The following ZNF311 variants were observed in gnomAD, a reference collection of about 807,000 sequenced individuals.
ZNF311 encodes zinc finger protein 311.
Under a neutral mutation model 22.7 loss-of-function variants are expected in ZNF311, and 14 were observed. The ratio of observed to expected loss-of-function variants is 0.62; its 90% CI spans 0.41 to 0.96. The LOEUF is 0.96. Ranked by LOEUF, ZNF311 falls within the 40% of genes least tolerant of loss-of-function variation. The pLI is 0.00. For synonymous variants in ZNF311, 250 were observed against 275.3 expected (o/e 0.91, Z 0.91); for missense variants, 731 against 799.0 (o/e 0.91, Z 1.03).
intron 1 of ZNF311, among the ~76,000 whole-genome samples, chr6:29,004,439 TTTC>T (rs1780896190): frequency 8.8e-5 from 3 of 33,968 alleles, no homozygotes; most frequent in South Asian, 1.3e-3. Context: ...GCCTTCCTCC[TTTC>T]TTTTTTTTTT....
In ZNF311 at chr6:28,994,984, C is replaced by T. The variant is rs1173234995; in HGVS notation, c.*17G>A. 6.4e-7 allele frequency: 1 copy of T among 1,568,380 alleles called. No individual in the cohort carries two copies. Among genetic ancestry groups the T allele is most frequent in the Non-Finnish European group, 8.6e-7 (1 of 1,159,636 alleles). On this transcript the variant is annotated 3_prime_UTR_variant, in exon 7 of 7. Transcript: ENST00000377179. The stretch of plus-strand genomic sequence containing the variant: ...AAGAGGTAGGAAAAACAGAAAGTAA[C>T]ACCAGAATCGTTATACTCAGGCACT...
At chr6:29,000,098 A>G in intron 3 of ZNF311, 51 bp from the exon 4 acceptor site, 1 of 1,526,160 alleles carries the variant, frequency 6.6e-7, no homozygotes. Flanking sequence ...TATTAATGAA[A>G]TCTCCTGCAT....
intron 3 of ZNF311, among the ~76,000 whole-genome samples, chr6:29,001,725 A>G (rs1235056769): frequency 6.6e-6 from 1 of 152,194 alleles, no homozygotes; most frequent in Admixed American, 6.5e-5. Flanking sequence ...ACATTCCACA[A>G]TTTACGTTCT....
At chr6:29,004,421 C>T (rs575797644) in intron 1 of ZNF311, among the ~76,000 whole-genome samples, 9 of 150,278 alleles carry the variant, frequency 6.0e-5, no homozygotes, top group African/African-American at 1.9e-4. Context: ...CTCCTTTCTT[C>T]AATCCTTGCC....
At chr6:29,000,182 C>A in intron 3 of ZNF311, 135 bp from the exon 4 acceptor site, 1 of 749,622 alleles carries the variant, frequency 1.3e-6, no homozygotes, top group Non-Finnish European at 2.1e-6. Flanking sequence ...CTTACAGTAT[C>A]CTTCCTCTTC....
rs752812603 is a variant in ZNF311, at chr6:28,995,726, G to T, written c.1276C>A (p.Arg426=). The change falls in exon 7 of 7, where the codon CGG becomes AGG. Residue 426 remains arginine, a synonymous_variant. Transcript: ENST00000377179. The surrounding 1 kb of genome is among the most constrained non-coding windows in gnomAD (Gnocchi z 4.7). ...TTGTGTTTGCTTAGGTCTGAGCTCCGACTGAAGGCCCTTCCACACTTGCTG... is the reference window on the plus strand; with the variant it reads ...TTGTGTTTGCTTAGGTCTGAGCTCCTACTGAAGGCCCTTCCACACTTGCTG... ...ECSKCGRAFS[R]SSDLSKHKRI... 1.9e-6 allele frequency: 3 copies of T among 1,613,684 alleles called. No individual in the cohort carries two copies. In the South Asian group the frequency reaches 3.3e-5, roughly 18 times the overall value.
rs1399955050 is a variant in ZNF311, at chr6:28,996,328, C to T, written c.674G>A (p.Ser225Asn). 11 of 1,612,756 alleles carry T rather than the reference C, an allele frequency of 6.8e-6. No homozygotes were observed. The highest frequency in any genetic ancestry group is 8.5e-6 in the Non-Finnish European group (10 of 1,180,040). ...CKKGKNQKVL[S>N]KNLNPNSKHS... ...TTTTGAGTTTGGATTCAAGTTTTTA[C>T]TAAGCACTTTCTGGTTCTTTCCTTT... The change falls in exon 7 of 7, where the codon AGT becomes AAT. Residue 225 changes from serine (S) to asparagine (N), a missense_variant. By Grantham distance (46) the Ser-to-Asn change is conservative. Coordinates refer to ENST00000377179, the MANE Select transcript of ZNF311 (RefSeq NM_001382360.1).
chr6:28,995,946 G>A lies in ZNF311; in HGVS notation c.1056C>T (p.Ile352=), dbSNP rs1039151008. Reference sequence around the variant, plus strand: ...ATTTGTAAGGCTTCTCCCCGGTGTGGATAAGCTGATGCATACAGAGACGGT... The same window carrying A: ...ATTTGTAAGGCTTCTCCCCGGTGTGAATAAGCTGATGCATACAGAGACGGT... ...TRNRLCMHQL[I]HTGEKPYKCN... The change falls in exon 7 of 7, where the codon ATC becomes ATT. Residue 352 remains isoleucine (I), a synonymous_variant. Transcript: ENST00000377179. The surrounding 1 kb of genome is among the most constrained non-coding windows in gnomAD (Gnocchi z 4.7). 3.7e-6 allele frequency: 6 copies of A among 1,613,736 alleles called. No individual in the cohort carries two copies. Among genetic ancestry groups the A allele is most frequent in the Non-Finnish European group, 5.1e-6 (6 of 1,180,038 alleles).
Position 29,003,795 on chromosome 6 carries a change from C to G in ZNF311, c.9+151G>C, listed in dbSNP as rs187855888. The G allele has an allele frequency of 1.7e-5, 26 of 1,548,772 alleles. No individual in the cohort carries two copies. The East Asian group carries it at 5.8e-4, about 35-fold the overall frequency. ...ACAACTACAAAGCTTTAATGATCAC[C>G]AGGTCAAGCAGCAAAAACAGTATCT... On this transcript the variant is annotated intron_variant, in intron 2 of 6. Transcript: ENST00000377179.
In ZNF311 at chr6:28,995,362, C is replaced by A. The variant is rs778523963; in HGVS notation, c.1640G>T (p.Arg547Ile). ...SGKSNLTNHR[R>I]IHTGEKPHKC... ...GTGAGGCTTCTCTCCAGTGTGAATT[C>A]TTCGATGATTGGTCAAGTTTGACTT... Residue 547 changes from arginine to isoleucine, a missense_variant, in exon 7 of 7, where the codon AGA becomes ATA. Physicochemically the swap from Arg to Ile is moderately conservative, Grantham distance 97. Transcript: ENST00000377179. This position sits in a 1 kb window ranked among gnomAD's most constrained non-coding sequence, Gnocchi z 4.7. 34 of 1,613,928 alleles carry A rather than the reference C, an allele frequency of 2.1e-5. No individual in the cohort carries two copies. The highest frequency in any genetic ancestry group is 1.2e-4 in the South Asian group (11 of 91,084).
chr6:29,002,335 T>C (rs1289200170), intron 3 of ZNF311, among the ~76,000 whole-genome samples: 1 of 152,180 alleles, frequency 6.6e-6, no homozygotes, highest in Non-Finnish European at 1.5e-5. Flanking sequence ...AGTTTAGCAA[T>C]AGCTATTATT....
At position 29,003,537 on chromosome 6, in the gene ZNF311, C is replaced by T; in HGVS notation, c.67G>A (p.Asp23Asn). The change falls in exon 3 of 7, where the codon GAT (aspartate) becomes AAT (asparagine). Residue 23 changes from aspartate to asparagine, a missense_variant. Transcript: ENST00000377179. ...PPSQLLWTRQ[D>N]TQLPQESALL... is the part of the protein sequence containing the mutation. The stretch of plus-strand genomic sequence containing the variant: ...CCGCTTTCCTGAGGGAGCTGGGTAT[C>T]CTGGCGGGTCCAAAGCAGCTGGCTT... 2 of 1,613,034 alleles carry T rather than the reference C, an allele frequency of 1.2e-6. No homozygotes were observed. The highest frequency in any genetic ancestry group is 1.7e-6 in the Non-Finnish European group (2 of 1,180,018).
chr6:28,995,605 G>A lies in ZNF311; in HGVS notation c.1397C>T (p.Thr466Ile), dbSNP rs756669651. 1.2e-6 allele frequency: 2 copies of A among 1,613,628 alleles called. No homozygotes were observed. Among genetic ancestry groups the A allele is most frequent in the Non-Finnish European group, 1.7e-6 (2 of 1,180,034 alleles). Reference protein sequence around the residue: ...AELTKHRRIHTEEKRYRCEEC... With the variant: ...AELTKHRRIHIEEKRYRCEEC... ...CTCACACCTGTAACGTTTCTCTTCA[G>A]TGTGGATCCTTCTGTGTTTGGTGAG... is the stretch of plus-strand genomic sequence containing the variant. Residue 466 changes from threonine (T) to isoleucine (I), a missense_variant, in exon 7 of 7, where the codon ACT (threonine) becomes ATT (isoleucine). Coordinates refer to ENST00000377179, the MANE Select transcript of ZNF311 (RefSeq NM_001382360.1). This position sits in a 1 kb window ranked among gnomAD's most constrained non-coding sequence, Gnocchi z 4.7.
At chr6:29,002,148 GAAAAAACAAC>G (rs1210439605) in intron 3 of ZNF311, among the ~76,000 whole-genome samples, 3 of 152,050 alleles carry the variant, frequency 2.0e-5, no homozygotes, top group Non-Finnish European at 4.4e-5. Context: ...CAGGCTACAT[GAAAAAACAAC>G]ATAAAACTTT....
Position 28,994,923 on chromosome 6 carries a change from A to G in ZNF311, c.*78T>C. 1 of 1,421,082 alleles carries G rather than the reference A, an allele frequency of 7.0e-7. No homozygotes were observed. The highest frequency in any genetic ancestry group is 9.3e-7 in the Non-Finnish European group (1 of 1,078,608). The allele number at this position is 1,421,082 out of a possible 1,614,324, so 88.0% of individuals were successfully genotyped here. A position where few individuals can be genotyped will look rare whatever the true frequency, so the allele number is the denominator to read the frequency against. ...TCTCACAATTAAGGGTCAGGAAATC[A>G]GGAATAACTAATATAAGAGACAGAA... On this transcript the variant is annotated 3_prime_UTR_variant, in exon 7 of 7. Coordinates refer to ENST00000377179, the MANE Select transcript of ZNF311 (RefSeq NM_001382360.1).
Position 28,995,486 on chromosome 6 carries a change from T to C in ZNF311, c.1516A>G (p.Lys506Glu), listed in dbSNP as rs1320450363. ...AGGCAGTGCTTATCTTGGAAGGTTTTCCCACAATCCCTGCATTGATAGGGC... is the reference window on the plus strand; with the variant it reads ...AGGCAGTGCTTATCTTGGAAGGTTTCCCCACAATCCCTGCATTGATAGGGC... Reference protein sequence around the residue: ...EKPYQCRDCGKTFQDKHCLTI... With the variant: ...EKPYQCRDCGETFQDKHCLTI... The change falls in exon 7 of 7, where the codon AAA becomes GAA. Residue 506 changes from lysine (K) to glutamate (E), a missense_variant. Lys to Glu is a moderately conservative substitution (Grantham distance 56). Transcript: ENST00000377179. The surrounding 1 kb of genome is among the most constrained non-coding windows in gnomAD (Gnocchi z 4.7). 1 of 1,613,254 alleles carries C rather than the reference T, an allele frequency of 6.2e-7. No individual in the cohort carries two copies. The highest frequency in any genetic ancestry group is 2.2e-5 in the East Asian group (1 of 44,812).
intron 5 of ZNF311, among the ~76,000 whole-genome samples, chr6:28,999,217 T>C (rs1470303953): frequency 6.6e-6 from 1 of 151,732 alleles, no homozygotes; most frequent in African/African-American, 2.4e-5. Flanking sequence ...CATAAAAAAA[T>C]GAGAGGCTTG....
At position 29,003,557 on chromosome 6, in the gene ZNF311, T is replaced by G; in HGVS notation, c.47A>C (p.Gln16Pro). The change falls in exon 3 of 7, where the codon CAG (glutamine) becomes CCG (proline). Residue 16 changes from glutamine to proline, a missense_variant. Transcript: ENST00000377179. The part of the protein sequence containing the change: ...LLDESSGPPS[Q>P]LLWTRQDTQL... ...GGTATCCTGGCGGGTCCAAAGCAGC[T>G]GGCTTGGTGGTCCTGAACTCTCATC... The G allele has an allele frequency of 6.2e-7, 1 of 1,613,038 alleles. No homozygotes were observed. The highest frequency in any genetic ancestry group is 8.5e-7 in the Non-Finnish European group (1 of 1,180,026).
At chr6:29,003,418 T>C in intron 3 of ZNF311, 95 bp downstream of exon 3, 1 of 1,103,956 alleles carries the variant, frequency 9.1e-7, no homozygotes, top group Non-Finnish European at 1.4e-6. Context: ...AATGAACAGA[T>C]TTTTGGGCCC....
Sources: allele counts gnomAD v4.1 joint callset (sites outside exome capture counted in the v4.1 genomes callset), GRCh38; gene constraint gnomAD v4.1.1; non-coding constraint Gnocchi (gnomAD v3.1); transcripts MANE v1.5; gene names NCBI Gene and HGNC (gene_info 2026-07-23, HGNC 2026-07-21).